The following SCN8A variants were observed in gnomAD, a reference collection of about 807,000 sequenced individuals.
The protein encoded by SCN8A is sodium channel protein type 8 subunit alpha.
A neutral mutation model predicts 184.1 loss-of-function variants in SCN8A; 30 were observed. The ratio of observed to expected loss-of-function variants is 0.16; its 90% CI spans 0.12 to 0.22. The LOEUF (loss-of-function observed/expected upper bound fraction) is 0.22. SCN8A is among the 10% of genes least tolerant of loss of function. The pLI, the probability that SCN8A is intolerant of heterozygous loss-of-function variation, is 1.00. For synonymous variants in SCN8A, 852 were observed against 907.0 expected (o/e 0.94, Z 1.09); for missense variants, 1,057 against 2,498.9 (o/e 0.42, Z 12.30).
At chr12:51,770,505 AC>A in intron 18 of SCN8A, 23 bp from the exon 19 acceptor site, 1 of 1,557,272 alleles carries the variant, frequency 6.4e-7, no homozygotes, top group Non-Finnish European at 8.7e-7. Context: ...CCACGGTCTG[AC>A]CCGCCTCTCC....
chr12:51,757,652 T>C (rs1442995786), intron 14 of SCN8A, among the ~76,000 whole-genome samples: 1 of 152,232 alleles, frequency 6.6e-6, no homozygotes, highest in Non-Finnish European at 1.5e-5. Flanking sequence ...AGACTAGGCA[T>C]GGCTCATGCC....
intron 14 of SCN8A, among the ~76,000 whole-genome samples, chr12:51,754,781 A>T (rs911518834): frequency 3.3e-5 from 5 of 152,188 alleles, no homozygotes; most frequent in Non-Finnish European, 7.4e-5. Flanking sequence ...GGCTTGTCTG[A>T]TGCTTCCTTA....
intron 12 of SCN8A, among the ~76,000 whole-genome samples, chr12:51,737,295 G>C (rs975214919): frequency 1.7e-4 from 26 of 152,262 alleles, no homozygotes; most frequent in African/African-American, 6.3e-4. Flanking sequence ...TCCTGTTCTT[G>C]GACAATAACA....
intron 26 of SCN8A, among the ~76,000 whole-genome samples, chr12:51,803,101 G>C (rs1257739985): frequency 6.6e-6 from 1 of 152,204 alleles, no homozygotes; most frequent in African/African-American, 2.4e-5. Flanking sequence ...GAGCAAGGAA[G>C]CCAGTAGTGG....
At position 51,593,503 on chromosome 12, in the gene SCN8A, C is replaced by T. The variant is rs1425574836; in HGVS notation, c.-55+2144C>T. On this transcript the variant is annotated intron_variant, in intron 1 of 26. Coordinates refer to ENST00000627620, the MANE Select transcript of SCN8A (RefSeq NM_001330260.2). ...GGATAATCAAGTGGAATACTGCATC[C>T]TTAAAAACAACCATACGGTTGCTGT... Among the ~76,000 whole-genome samples the T allele has an allele frequency of 3.9e-5, 6 of 152,152 alleles. No homozygotes were observed. In the East Asian group the frequency reaches 1.2e-3, roughly 29 times the overall value.
chr12:51,622,546 T>C (rs973313073), intron 1 of SCN8A, among the ~76,000 whole-genome samples: 4 of 152,214 alleles, frequency 2.6e-5, no homozygotes, highest in Admixed American at 6.5e-5. Flanking sequence ...GATGTTTTTC[T>C]CATGATTAGA....
At chr12:51,594,080 C>CA (rs1319190457) in intron 1 of SCN8A, among the ~76,000 whole-genome samples, 1 of 151,996 alleles carries the variant, frequency 6.6e-6, no homozygotes, top group Non-Finnish European at 1.5e-5. Context: ...TCGATTTATC[C>CA]AAAAAACTAT....
At chr12:51,654,846 A>G (rs1314049180) in intron 1 of SCN8A, among the ~76,000 whole-genome samples, 1 of 151,894 alleles carries the variant, frequency 6.6e-6, no homozygotes, top group Non-Finnish European at 1.5e-5. Context: ...GCTACCTTTT[A>G]TTTGATCTTC....
At chr12:51,640,146 G>A (rs865868187) in intron 1 of SCN8A, among the ~76,000 whole-genome samples, 7 of 138,780 alleles carry the variant, frequency 5.0e-5, no homozygotes, top group African/African-American at 1.9e-4. Context: ...ATTGGCCTCA[G>A]GTGAGCCTCC....
intron 12 of SCN8A, among the ~76,000 whole-genome samples, chr12:51,737,670 G>T (rs958335958): frequency 6.6e-6 from 1 of 152,140 alleles, no homozygotes; most frequent in African/African-American, 2.4e-5. Context: ...ATTTTGTTAG[G>T]AGCTATAATT....
At position 51,706,673 on chromosome 12, in the gene SCN8A, G is replaced by T; in HGVS notation, c.1593G>T (p.Leu531=). The T allele has an allele frequency of 6.3e-7, 1 of 1,592,380 alleles. No individual in the cohort carries two copies. Among genetic ancestry groups the T allele is most frequent in the Non-Finnish European group, 8.5e-7 (1 of 1,170,480 alleles). Residue 531 remains leucine, a synonymous_variant, in exon 11 of 27, where the codon CTG becomes CTT. Coordinates refer to ENST00000627620, the MANE Select transcript of SCN8A (RefSeq NM_001330260.2). ...GCATGAGAAGGAAGGCCTTTCGGCTGCCAGACAACAGAATAGGGAGGAAAT... is the reference window on the plus strand; with the variant it reads ...GCATGAGAAGGAAGGCCTTTCGGCTTCCAGACAACAGAATAGGGAGGAAAT... ...EDGMRRKAFR[L]PDNRIGRKFS... is the part of the protein sequence containing the mutation.
Position 51,810,444 on chromosome 12 carries a change from T to A in SCN8A, c.*3015T>A, listed in dbSNP as rs1007594605. ...TGATGACGTTTTTGTGCATCTTCGC[T>A]GAGTGGGTAAGTGGCAATGCTTTGC... On this transcript the variant is annotated 3_prime_UTR_variant, in exon 27 of 27. Transcript: ENST00000627620. 1 of 452,490 alleles carries A rather than the reference T, an allele frequency of 2.2e-6. No individual in the cohort carries two copies. The highest frequency in any genetic ancestry group is 2.4e-5 in the Admixed American group (1 of 41,600). 28.0% of individuals were successfully genotyped at this position (452,490 alleles called of 1,614,324 possible).
chr12:51,597,448 T>C (rs532259191), intron 1 of SCN8A, among the ~76,000 whole-genome samples: 14 of 152,172 alleles, frequency 9.2e-5, no homozygotes, highest in African/African-American at 1.4e-4. Flanking sequence ...TGCTTACTTA[T>C]CCAGGGATGG....
At chr12:51,742,501 T>C (rs1942442645) in intron 12 of SCN8A, among the ~76,000 whole-genome samples, 1 of 152,148 alleles carries the variant, frequency 6.6e-6, no homozygotes, top group Non-Finnish European at 1.5e-5. Context: ...CCTCAGCACT[T>C]TAAATATATC....
intron 2 of SCN8A, among the ~76,000 whole-genome samples, chr12:51,681,571 C>T (rs965256149): frequency 2.6e-5 from 4 of 152,140 alleles, no homozygotes; most frequent in Admixed American, 6.5e-5. Flanking sequence ...GCTCAGCCCT[C>T]GATATGTTTC....
chr12:51,807,825 G>A lies in SCN8A; in HGVS notation c.*396G>A, dbSNP rs1938758166. On this transcript the variant is annotated 3_prime_UTR_variant, in exon 27 of 27. Transcript: ENST00000627620. This position sits in a 1 kb window ranked among gnomAD's most constrained non-coding sequence, Gnocchi z 4.5. ...GCAGAAAGCATCACTTTAAAAGTTC[G>A]TTTGTTCATGCAAACTATATTTGCA... 2 of 234,504 alleles carry A rather than the reference G, an allele frequency of 8.5e-6. No homozygotes were observed. Among genetic ancestry groups the A allele is most frequent in the East Asian group, 1.0e-4 (1 of 9,702 alleles). 14.5% of individuals were successfully genotyped at this position (234,504 alleles called of 1,614,324 possible). A position where few individuals can be genotyped will look rare whatever the true frequency, so the allele number is the denominator to read the frequency against.
At chr12:51,621,795 C>G (rs1939969059) in intron 1 of SCN8A, among the ~76,000 whole-genome samples, 1 of 152,156 alleles carries the variant, frequency 6.6e-6, no homozygotes. Context: ...GCGATGTAGG[C>G]AGAATGACCA....
chr12:51,703,402 C>T (rs976286405), intron 9 of SCN8A, among the ~76,000 whole-genome samples: 4 of 152,060 alleles, frequency 2.6e-5, no homozygotes, highest in African/African-American at 9.7e-5. Flanking sequence ...CTGTGGCCTC[C>T]CAAAGTGCTG....
chr12:51,702,630 T>C, intron 8 of SCN8A, 143 bp from the exon 9 acceptor site: 1 of 642,746 alleles, frequency 1.6e-6, no homozygotes, highest in Non-Finnish European at 2.3e-6. Context: ...CTTTTTCTTC[T>C]AATTTGTTGG....
Sources: allele counts gnomAD v4.1 joint callset (sites outside exome capture counted in the v4.1 genomes callset), GRCh38; gene constraint gnomAD v4.1.1; non-coding constraint Gnocchi (gnomAD v3.1); transcripts MANE v1.5; gene names NCBI Gene and HGNC (gene_info 2026-07-23, HGNC 2026-07-21).